The following SIMC1 variants were observed in gnomAD, a reference collection of about 807,000 sequenced individuals.
SIMC1 encodes the protein SUMO interacting motifs containing 1.
A neutral mutation model predicts 82.3 loss-of-function variants in SIMC1; 55 were observed. The observed-to-expected ratio is 0.67, with a 90% CI of 0.54 to 0.84. The LOEUF is 0.84. SIMC1 is among the 40% of genes least tolerant of loss of function. The probability of loss-of-function intolerance (pLI) is 0.00; values close to 1 mark genes in which losing one functional copy is unlikely to be tolerated. For synonymous variants in SIMC1, 353 were observed against 426.3 expected, an observed-to-expected ratio of 0.83 and a Z score of 2.12; for missense variants, 915 against 1,107.2, an observed-to-expected ratio of 0.83 and a Z score of 2.46.
At chr5:176,246,512 C>T (rs1761452495) in intron 1 of SIMC1, among the ~76,000 whole-genome samples, 1 of 151,290 alleles carries the variant, frequency 6.6e-6, no homozygotes, top group African/African-American at 2.4e-5. Flanking sequence ...GATCTTGGCT[C>T]ACTGCAACCT....
At chr5:176,308,304 C>CATGTTCACAT in intron 4 of SIMC1, 1 of 1,461,942 alleles carries the variant, frequency 6.8e-7, no homozygotes, top group Non-Finnish European at 9.6e-7. Context: ...ATCATCTTAA[C>CATGTTCACAT]GACGTTCTGA....
intron 4 of SIMC1, among the ~76,000 whole-genome samples, chr5:176,302,244 G>C (rs756702796): frequency 1.3e-5 from 2 of 152,078 alleles, no homozygotes; most frequent in African/African-American, 2.4e-5. Context: ...GAACATGTGG[G>C]ATTTATTCCT....
At chr5:176,272,509 C>T (rs2113184268) in intron 1 of SIMC1, among the ~76,000 whole-genome samples, 1 of 152,272 alleles carries the variant, frequency 6.6e-6, no homozygotes, top group East Asian at 1.9e-4. Context: ...GTCTACAGCT[C>T]CCAGGGTGAG....
At chr5:176,255,577 CTTTTTTT>C in intron 1 of SIMC1, among the ~76,000 whole-genome samples, 1 of 134,338 alleles carries the variant, frequency 7.4e-6, no homozygotes, top group South Asian at 2.4e-4. Context: ...GTGAGACTGT[CTTTTTTT>C]TTTTTTTTTT....
At chr5:176,337,943 T>C (rs1453595693) in intron 9 of SIMC1, among the ~76,000 whole-genome samples, 2 of 152,186 alleles carry the variant, frequency 1.3e-5, no homozygotes, top group African/African-American at 4.8e-5. Flanking sequence ...GAATAGCTGC[T>C]TCAAATGAGA....
chr5:176,285,228 A>C (rs905889620), intron 1 of SIMC1, among the ~76,000 whole-genome samples: 2 of 151,376 alleles, frequency 1.3e-5, no homozygotes, highest in African/African-American at 4.9e-5. Context: ...CATTGATGCA[A>C]AAATCCTCAA....
intron 4 of SIMC1, among the ~76,000 whole-genome samples, chr5:176,311,626 AAG>A (rs1764668389): frequency 6.6e-6 from 1 of 152,118 alleles, no homozygotes; most frequent in Non-Finnish European, 1.5e-5. Context: ...CTTGAGTTGA[AAG>A]AGATATAATT....
intron 7 of SIMC1, among the ~76,000 whole-genome samples, chr5:176,327,797 A>G (rs957720963): frequency 6.6e-6 from 1 of 152,200 alleles, no homozygotes; most frequent in Non-Finnish European, 1.5e-5. Context: ...ACGAAGAATA[A>G]GTATTGAAAT....
At chr5:176,336,676 G>A (rs1581332596) in intron 7 of SIMC1, 44 bp from the exon 8 acceptor site, 1 of 1,602,980 alleles carries the variant, frequency 6.2e-7, no homozygotes, top group South Asian at 1.1e-5. Flanking sequence ...GTTCTTTGAA[G>A]CATAGTTGTG....
intron 1 of SIMC1, among the ~76,000 whole-genome samples, chr5:176,242,381 A>C (rs1761304149): frequency 1.3e-5 from 2 of 151,806 alleles, no homozygotes; most frequent in South Asian, 4.2e-4. Context: ...TGTGTGCATA[A>C]ATTTTGATAA....
intron 1 of SIMC1, among the ~76,000 whole-genome samples, chr5:176,273,372 TG>T (rs1762532109): frequency 6.6e-6 from 1 of 152,178 alleles, no homozygotes; most frequent in African/African-American, 2.4e-5. Flanking sequence ...CTAAGGGTCC[TG>T]ACTGTTAGAA....
chr5:176,302,133 T>A (rs557668350), intron 4 of SIMC1, among the ~76,000 whole-genome samples: 1 of 152,340 alleles, frequency 6.6e-6, no homozygotes, highest in South Asian at 2.1e-4. Flanking sequence ...TTTGTACATA[T>A]TCAGTGTAGA....
chr5:176,311,726 A>G (rs1346735120), intron 4 of SIMC1, among the ~76,000 whole-genome samples: 2 of 152,218 alleles, frequency 1.3e-5, no homozygotes, highest in African/African-American at 4.8e-5. Flanking sequence ...TTAGTATACT[A>G]TATGGATTTA....
chr5:176,322,917 A>G (rs1291868268), intron 6 of SIMC1: 2 of 152,600 alleles, frequency 1.3e-5, no homozygotes, highest in African/African-American at 4.8e-5. Context: ...TGCACTGGAA[A>G]GAAATTCATG....
At chr5:176,329,294 A>T (rs575982247) in intron 7 of SIMC1, among the ~76,000 whole-genome samples, 1 of 152,062 alleles carries the variant, frequency 6.6e-6, no homozygotes, top group East Asian at 1.9e-4. Context: ...ACACGGTGAA[A>T]CCCCGTCTCT....
intron 9 of SIMC1, among the ~76,000 whole-genome samples, chr5:176,343,772 CTTTTT>C (rs568636368): frequency 2.6e-5 from 4 of 151,870 alleles, no homozygotes; most frequent in African/African-American, 7.3e-5. Context: ...CGAAACTTTT[CTTTTT>C]TTGTTTTTTT....
At chr5:176,298,437 C>T (rs1385071353) in intron 4 of SIMC1, among the ~76,000 whole-genome samples, 1 of 152,168 alleles carries the variant, frequency 6.6e-6, no homozygotes, top group East Asian at 1.9e-4. Flanking sequence ...AGTTCGAGGC[C>T]AGCTCAGCCA....
chr5:176,250,923 G>A (rs1338748306), intron 1 of SIMC1, among the ~76,000 whole-genome samples: 1 of 152,150 alleles, frequency 6.6e-6, no homozygotes, highest in Non-Finnish European at 1.5e-5. Flanking sequence ...CAATTTGCCA[G>A]TCTGAGTCTT....
intron 7 of SIMC1, among the ~76,000 whole-genome samples, chr5:176,331,411 T>C (rs1765663923): frequency 6.8e-6 from 1 of 147,598 alleles, no homozygotes; most frequent in African/African-American, 2.5e-5. Flanking sequence ...GACAAAGCAA[T>C]GTAAAGCAAT....
Sources: allele counts gnomAD v4.1 joint callset (sites outside exome capture counted in the v4.1 genomes callset), GRCh38; gene constraint gnomAD v4.1.1; transcripts MANE v1.5; gene names NCBI Gene and HGNC (gene_info 2026-07-23, HGNC 2026-07-21).